The following ASTN2 variants were observed in gnomAD, a reference collection of about 807,000 sequenced individuals.
ASTN2 encodes astrotactin 2.
Under a neutral mutation model 139.8 loss-of-function variants are expected in ASTN2, and 54 were observed. The ratio of observed to expected loss-of-function variants is 0.39; its 90% confidence interval spans 0.31 to 0.48. ASTN2 has a LOEUF of 0.48. ASTN2 is among the 20% of genes least tolerant of loss of function. The pLI, the probability that ASTN2 is intolerant of heterozygous loss-of-function variation, is 0.95. For missense variants in ASTN2, 1,565 were observed against 1,725.1 expected, an observed-to-expected ratio of 0.91 and a Z score of 1.64; for synonymous variants, 756 against 719.5, an observed-to-expected ratio of 1.05 and a Z score of -0.81.
intron 16 of ASTN2, among the ~76,000 whole-genome samples, chr9:116,659,665 T>C (rs1171884714): frequency 1.3e-5 from 2 of 152,048 alleles, no homozygotes; most frequent in Non-Finnish European, 2.9e-5. Context: ...ATCTTCCCAT[T>C]ACCTCCCACC....
intron 2 of ASTN2, among the ~76,000 whole-genome samples, chr9:117,251,290 T>A (rs1833531130): frequency 1.3e-5 from 2 of 151,830 alleles, no homozygotes; most frequent in South Asian, 2.1e-4. Context: ...AAATGCTATT[T>A]TTTTTTTTTA....
chr9:116,434,662 G>C (rs1847594749), intron 22 of ASTN2, among the ~76,000 whole-genome samples: 1 of 152,192 alleles, frequency 6.6e-6, no homozygotes, highest in African/African-American at 2.4e-5. Context: ...TGAAAGTGTA[G>C]AGAAGCCCAA....
At chr9:116,696,890 C>G (rs138462089) in intron 16 of ASTN2, among the ~76,000 whole-genome samples, 1 of 148,194 alleles carries the variant, frequency 6.7e-6, no homozygotes, top group African/African-American at 2.5e-5. Context: ...TCACAATTTT[C>G]TGCTTCTGTG....
At chr9:116,968,861 T>C (rs1162517549) in intron 10 of ASTN2, among the ~76,000 whole-genome samples, 1 of 143,710 alleles carries the variant, frequency 7.0e-6, no homozygotes, top group African/African-American at 2.6e-5. Context: ...ATGGCACCAC[T>C]GCACTCCAGC....
At chr9:116,529,685 T>A (rs924146059) in intron 19 of ASTN2, among the ~76,000 whole-genome samples, 1 of 151,990 alleles carries the variant, frequency 6.6e-6, no homozygotes, top group Non-Finnish European at 1.5e-5. Context: ...TGGGAGGTGA[T>A]TGGGTCATGA....
intron 19 of ASTN2, among the ~76,000 whole-genome samples, chr9:116,539,057 C>T (rs945648967): frequency 6.6e-6 from 1 of 152,046 alleles, no homozygotes; most frequent in Non-Finnish European, 1.5e-5. Context: ...CATGGACGAA[C>T]CTTGAGAACT....
At chr9:117,150,255 G>A (rs1314476377) in intron 3 of ASTN2, among the ~76,000 whole-genome samples, 1 of 152,098 alleles carries the variant, frequency 6.6e-6, no homozygotes, top group African/African-American at 2.4e-5. Flanking sequence ...AAATGAATGT[G>A]CTTTCATGAA....
intron 4 of ASTN2, among the ~76,000 whole-genome samples, chr9:117,140,260 G>C (rs1456604541): frequency 6.6e-6 from 1 of 152,168 alleles, no homozygotes; most frequent in African/African-American, 2.4e-5. Flanking sequence ...AGACAGTGGA[G>C]AATAGAGCTC....
intron 12 of ASTN2, among the ~76,000 whole-genome samples, chr9:116,816,237 A>G (rs1222771937): frequency 6.6e-6 from 1 of 152,234 alleles, no homozygotes; most frequent in African/African-American, 2.4e-5. Context: ...CACACAAAAC[A>G]GACAAACTTT....
chr9:116,684,833 T>A (rs1432809560), intron 16 of ASTN2, among the ~76,000 whole-genome samples: 1 of 152,262 alleles, frequency 6.6e-6, no homozygotes, highest in Non-Finnish European at 1.5e-5. Flanking sequence ...TGCAAAATTA[T>A]GATTGAGACA....
intron 11 of ASTN2, among the ~76,000 whole-genome samples, chr9:116,830,643 T>C (rs553554497): frequency 1.3e-5 from 2 of 151,618 alleles, no homozygotes; most frequent in African/African-American, 4.8e-5. Context: ...AGTACAAAAA[T>C]TAGCCAGGCA....
chr9:117,002,177 C>A (rs914138846), intron 7 of ASTN2, among the ~76,000 whole-genome samples: 1 of 152,108 alleles, frequency 6.6e-6, no homozygotes, highest in African/African-American at 2.4e-5. Context: ...TGATCTCTGG[C>A]CCTAAGGAGT....
At chr9:116,445,881 G>A (rs1847971835) in intron 20 of ASTN2, among the ~76,000 whole-genome samples, 1 of 152,146 alleles carries the variant, frequency 6.6e-6, no homozygotes, top group African/African-American at 2.4e-5. Context: ...CCTCGGGATG[G>A]AGGAGGCCTC....
intron 3 of ASTN2, among the ~76,000 whole-genome samples, chr9:117,143,769 T>C (rs1457193256): frequency 1.3e-5 from 2 of 151,608 alleles, no homozygotes; most frequent in Non-Finnish European, 2.9e-5. Context: ...CCTCCCTGTG[T>C]CCTCACTCGG....
At chr9:116,514,016 C>T (rs1002390244) in intron 19 of ASTN2, among the ~76,000 whole-genome samples, 11 of 151,736 alleles carry the variant, frequency 7.2e-5, no homozygotes, top group Admixed American at 5.9e-4. Flanking sequence ...AGTCTTTCTC[C>T]GTCCAGCTTT....
chr9:116,768,872 T>C (rs1278842222), intron 13 of ASTN2, among the ~76,000 whole-genome samples: 1 of 152,222 alleles, frequency 6.6e-6, no homozygotes, highest in Non-Finnish European at 1.5e-5. Flanking sequence ...GGAGCACAAA[T>C]GAATTAAGAA....
intron 16 of ASTN2, among the ~76,000 whole-genome samples, chr9:116,724,371 C>A (rs904933824): frequency 6.6e-6 from 1 of 152,156 alleles, no homozygotes; most frequent in Non-Finnish European, 1.5e-5. Context: ...ACCCCGTGCC[C>A]CACACAGTTG....
intron 4 of ASTN2, among the ~76,000 whole-genome samples, chr9:117,106,295 C>G (rs573167957): frequency 6.6e-6 from 1 of 151,958 alleles, no homozygotes; most frequent in South Asian, 2.1e-4. Context: ...AGCGCAATCT[C>G]GGCTCACTGC....
At chr9:117,182,852 C>A (rs532820537) in intron 3 of ASTN2, among the ~76,000 whole-genome samples, 2 of 152,194 alleles carry the variant, frequency 1.3e-5, no homozygotes, top group African/African-American at 4.8e-5. Context: ...GCCTTCTAGG[C>A]CATTAAGCAA....
Sources: allele counts gnomAD v4.1 joint callset (sites outside exome capture counted in the v4.1 genomes callset), GRCh38; gene constraint gnomAD v4.1.1; transcripts MANE v1.5; gene names NCBI Gene and HGNC (gene_info 2026-07-23, HGNC 2026-07-21).